The following HS3ST3A1 variants were observed in gnomAD, a reference collection of about 807,000 sequenced individuals.
HS3ST3A1 encodes the protein heparan sulfate-glucosamine 3-sulfotransferase 3A1, also known as heparan sulfate glucosamine 3-O-sulfotransferase 3A1.
A neutral mutation model predicts 25.7 loss-of-function variants in HS3ST3A1; 19 were observed. The observed-to-expected ratio is 0.74, with a 90% CI of 0.52 to 1.08. The LOEUF is 1.08. Among genes scored for constraint, HS3ST3A1 ranks in the 50% least tolerant of loss-of-function variants. The probability of loss-of-function intolerance (pLI) is 0.00; values close to 1 mark genes in which losing one functional copy is unlikely to be tolerated. For missense variants in HS3ST3A1, 459 were observed against 594.3 expected (o/e 0.77, Z 2.37); for synonymous variants, 226 against 278.6 (o/e 0.81, Z 1.88).
At chr17:13,548,403 T>G (rs959601444) in intron 1 of HS3ST3A1, among the ~76,000 whole-genome samples, 2 of 152,222 alleles carry the variant, frequency 1.3e-5, no homozygotes, top group Admixed American at 6.5e-5. Flanking sequence ...AGCCTGATTA[T>G]CTACTGAAAG....
At chr17:13,535,849 G>C (rs1226060474) in intron 1 of HS3ST3A1, among the ~76,000 whole-genome samples, 1 of 152,106 alleles carries the variant, frequency 6.6e-6, no homozygotes, top group Non-Finnish European at 1.5e-5. Flanking sequence ...CTGATGAATG[G>C]TTTCTAAGGT....
intron 1 of HS3ST3A1, among the ~76,000 whole-genome samples, chr17:13,535,342 A>C (rs1235209908): frequency 6.6e-6 from 1 of 152,214 alleles, no homozygotes; most frequent in African/African-American, 2.4e-5. Flanking sequence ...GCAATTTGGC[A>C]CTACACTTAG....
intron 1 of HS3ST3A1, among the ~76,000 whole-genome samples, chr17:13,589,981 T>C (rs1003748304): frequency 2.0e-5 from 3 of 152,114 alleles, no homozygotes; most frequent in African/African-American, 7.2e-5. Context: ...TATTTCCTAG[T>C]GAAAGGAGAG....
Position 13,600,715 on chromosome 17 carries a change from C to G in HS3ST3A1, c.415G>C (p.Gly139Arg). The G allele has an allele frequency of 6.4e-7, 1 of 1,555,098 alleles. No homozygotes were observed. Among genetic ancestry groups the G allele is most frequent in the Non-Finnish European group, 8.6e-7 (1 of 1,157,798 alleles). ...AGSTVAEAPP[G>R]TLALLLDEGS... ...TCGTCCAGGAGCAGCGCCAGGGTCC[C>G]CGGCGGGGCCTCGGCCACGGTGCTT... The change falls in exon 1 of 2, where the codon GGG becomes CGG. Residue 139 changes from glycine to arginine, a missense_variant. Physicochemically the swap from Gly to Arg is moderately radical, Grantham distance 125 (BLOSUM62 -2). Coordinates refer to ENST00000284110, the MANE Select transcript of HS3ST3A1 (RefSeq NM_006042.3).
chr17:13,591,661 C>CTTT (rs34995100), intron 1 of HS3ST3A1, among the ~76,000 whole-genome samples: 1 of 142,262 alleles, frequency 7.0e-6, no homozygotes, highest in African/African-American at 2.6e-5. Flanking sequence ...TTTTCTTCTT[C>CTTT]TTTTTTTTTT....
chr17:13,522,886 C>T (rs2142320965), intron 1 of HS3ST3A1, among the ~76,000 whole-genome samples: 1 of 114,524 alleles, frequency 8.7e-6, no homozygotes. Flanking sequence ...ACACACAAAG[C>T]AAGTACAAAA....
chr17:13,536,129 C>T (rs548951603), intron 1 of HS3ST3A1, among the ~76,000 whole-genome samples: 1 of 152,270 alleles, frequency 6.6e-6, no homozygotes, highest in South Asian at 2.1e-4. Flanking sequence ...TATACTTCAT[C>T]CCATTCTCAT....
intron 1 of HS3ST3A1, among the ~76,000 whole-genome samples, chr17:13,524,690 A>G (rs897563498): frequency 6.6e-6 from 1 of 152,186 alleles, no homozygotes; most frequent in Admixed American, 6.5e-5. Context: ...ATCAATATCA[A>G]TTTCCTGGCT....
chr17:13,535,486 G>A (rs1002446992), intron 1 of HS3ST3A1, among the ~76,000 whole-genome samples: 6 of 152,176 alleles, frequency 3.9e-5, no homozygotes, highest in African/African-American at 1.4e-4. Context: ...TTCAACCTCA[G>A]CTGCAAACCT....
intron 1 of HS3ST3A1, among the ~76,000 whole-genome samples, chr17:13,570,643 T>G (rs938669783): frequency 4.1e-4 from 63 of 152,276 alleles, no homozygotes; most frequent in Non-Finnish European, 1.0e-4. Context: ...GCCTAGCTAA[T>G]TTTTGAATTG....
chr17:13,600,537 C>T lies in HS3ST3A1; in HGVS notation c.593G>A (p.Trp198Ter). The part of the protein sequence containing the change: ...FDRSYDKGLA[W>*]YRDLMPRTLD... ...CCGGGCCCGCCCCGCTCACCGGTAC[C>T]AGGCGAGGCCCTTGTCGTAGCTGCG... Residue 198 changes from tryptophan to a stop codon, truncating the protein, a stop_gained, in exon 1 of 2, where the codon TGG becomes TAG. Coordinates refer to ENST00000284110, the MANE Select transcript of HS3ST3A1 (RefSeq NM_006042.3). LOFTEE classifies it high-confidence loss of function. The T allele has an allele frequency of 1.3e-6, 2 of 1,596,836 alleles. No individual in the cohort carries two copies. The highest frequency in any genetic ancestry group is 1.7e-6 in the Non-Finnish European group (2 of 1,176,688).
At chr17:13,597,394 C>T (rs549765577) in intron 1 of HS3ST3A1, among the ~76,000 whole-genome samples, 1 of 152,226 alleles carries the variant, frequency 6.6e-6, no homozygotes, top group Non-Finnish European at 1.5e-5. Context: ...GTCCTGACTT[C>T]CAGCAAAGAT....
chr17:13,589,683 G>A (rs1009235544), intron 1 of HS3ST3A1, among the ~76,000 whole-genome samples: 13 of 151,432 alleles, frequency 8.6e-5, no homozygotes, highest in East Asian at 1.9e-4. Flanking sequence ...ACACACACAC[G>A]CACACACAGG....
chr17:13,516,217 G>T (rs566381617), intron 1 of HS3ST3A1, among the ~76,000 whole-genome samples: 52 of 152,128 alleles, frequency 3.4e-4, no homozygotes, highest in Non-Finnish European at 7.1e-4. Flanking sequence ...GGCTGAGGCA[G>T]GAGAATCGCT....
intron 1 of HS3ST3A1, among the ~76,000 whole-genome samples, chr17:13,579,503 C>T (rs1908042482): frequency 6.6e-6 from 1 of 151,780 alleles, no homozygotes; most frequent in African/African-American, 2.4e-5. Flanking sequence ...GAGTTCCAGA[C>T]CAACCTGGCC....
chr17:13,505,651 A>G (rs915468143), intron 1 of HS3ST3A1, among the ~76,000 whole-genome samples: 4 of 152,124 alleles, frequency 2.6e-5, no homozygotes, highest in Non-Finnish European at 5.9e-5. Flanking sequence ...ATCTTCAAAA[A>G]AAAAAGGCGG....
At chr17:13,497,554 T>C (rs1227192189) in intron 1 of HS3ST3A1, among the ~76,000 whole-genome samples, 2 of 152,220 alleles carry the variant, frequency 1.3e-5, no homozygotes, top group Non-Finnish European at 2.9e-5. Flanking sequence ...AAATGAGATA[T>C]CACTTTATCA....
chr17:13,584,550 AGAAGGAAGGAAG>A (rs1187444584), intron 1 of HS3ST3A1, among the ~76,000 whole-genome samples: 3 of 150,762 alleles, frequency 2.0e-5, no homozygotes, highest in Non-Finnish European at 4.4e-5. Flanking sequence ...AAGGAAGGAA[AGAAGGAAGGAAG>A]GAAAGAAGGA....
At chr17:13,564,719 CTTTT>C (rs397812904) in intron 1 of HS3ST3A1, among the ~76,000 whole-genome samples, 2 of 124,322 alleles carry the variant, frequency 1.6e-5, no homozygotes, top group African/African-American at 3.1e-5. Flanking sequence ...GACTTCTTTC[CTTTT>C]TTTTTTTTTT....
Sources: gnomAD v4.1 joint callset for allele counts (sites outside exome capture counted in the v4.1 genomes callset) on GRCh38, gnomAD v4.1.1 for gene constraint, MANE v1.5 for transcripts, NCBI Gene and HGNC (gene_info 2026-07-23, HGNC 2026-07-21) for gene names.